The following EPM2A variants were observed in gnomAD, a reference collection of about 807,000 sequenced individuals.
EPM2A encodes EPM2A glucan phosphatase, laforin.
EPM2A carries 21 observed loss-of-function variants against 26.5 expected under a neutral mutation model. The ratio of observed to expected loss-of-function variants is 0.79; its 90% confidence interval spans 0.56 to 1.14. The LOEUF is 1.14. EPM2A is among the 50% of genes most tolerant of loss of function. The pLI, the probability that EPM2A is intolerant of heterozygous loss-of-function variation, is 0.00. For synonymous variants in EPM2A, 217 were observed against 177.6 expected (o/e 1.22, Z -1.76); for missense variants, 458 against 440.8 (o/e 1.04, Z -0.35).
At chr6:145,539,834 C>CTTTCAAAGTA (rs1420168043) in intron 2 of EPM2A, among the ~76,000 whole-genome samples, 1 of 152,098 alleles carries the variant, frequency 6.6e-6, no homozygotes, top group Non-Finnish European at 1.5e-5. Flanking sequence ...AACAATTCAC[C>CTTTCAAAGTA]CCTAAGTACA....
At chr6:145,525,869 G>C (rs416987) in intron 2 of EPM2A, among the ~76,000 whole-genome samples, 67,823 of 151,578 alleles carry the variant, frequency 0.45, 15,193 homozygotes, top group South Asian at 0.58. Flanking sequence ...TGTCTTGATC[G>C]TGTTCTCAAT....
intron 4 of EPM2A, among the ~76,000 whole-genome samples, chr6:145,394,807 C>T (rs972421983): frequency 3.3e-5 from 5 of 152,104 alleles, no homozygotes; most frequent in African/African-American, 1.2e-4. Flanking sequence ...TGTGAAAGGG[C>T]CAATCGTTCA....
chr6:145,414,338 G>A (rs1010361543), intron 4 of EPM2A, among the ~76,000 whole-genome samples: 14 of 151,824 alleles, frequency 9.2e-5, no homozygotes, highest in South Asian at 2.1e-4. Flanking sequence ...TCTTGATGCC[G>A]GTTGGTCTCT....
chr6:145,544,861 T>C (rs1191397917), intron 2 of EPM2A, among the ~76,000 whole-genome samples: 1 of 152,184 alleles, frequency 6.6e-6, no homozygotes, highest in African/African-American at 2.4e-5. Flanking sequence ...GACCCCTGAC[T>C]AACTTTTTTC....
intron 2 of EPM2A, among the ~76,000 whole-genome samples, chr6:145,562,974 A>G (rs1389097669): frequency 1.3e-5 from 2 of 151,374 alleles, no homozygotes; most frequent in Non-Finnish European, 1.5e-5. Context: ...ACTGGTTTCA[A>G]TGTGGATGAA....
intron 2 of EPM2A, among the ~76,000 whole-genome samples, chr6:145,583,541 A>C (rs749958309): frequency 1.8e-4 from 28 of 152,122 alleles, no homozygotes; most frequent in African/African-American, 3.4e-4. Flanking sequence ...GAAGGAGCTA[A>C]ATTGTTCCCA....
intron 2 of EPM2A, chr6:145,640,587 A>C (rs1274942168): frequency 1.3e-5 from 2 of 152,246 alleles, no homozygotes; most frequent in South Asian, 2.1e-4. Flanking sequence ...AAAGAAAAAA[A>C]AGCACATTTC....
At chr6:145,636,979 T>G (rs1562426824) in intron 2 of EPM2A, 1 of 151,786 alleles carries the variant, frequency 6.6e-6, no homozygotes, top group Non-Finnish European at 1.5e-5. Context: ...TAGTAACAAT[T>G]GTATGATGTT....
intron 1 of EPM2A, chr6:145,705,667 T>G: frequency 2.4e-6 from 1 of 425,204 alleles, no homozygotes; most frequent in South Asian, 1.7e-5. Context: ...ATGCTGACCA[T>G]CAAGGCAATC....
At chr6:145,501,751 G>A (rs774764162) in exon 4 of EPM2A, 42 of 470,316 alleles carry the variant, frequency 8.9e-5, no homozygotes, top group Admixed American at 7.3e-4. Context: ...TGCACCAGTC[G>A]TCACCCATCT....
chr6:145,687,499 CT>C (rs993795814), intron 1 of EPM2A, among the ~76,000 whole-genome samples: 6 of 151,956 alleles, frequency 3.9e-5, no homozygotes, highest in African/African-American at 1.5e-4. Context: ...TTTTTACTAC[CT>C]TTTTATCATC....
intron 2 of EPM2A, among the ~76,000 whole-genome samples, chr6:145,510,179 C>T (rs1780035776): frequency 6.6e-6 from 1 of 151,826 alleles, no homozygotes; most frequent in South Asian, 2.1e-4. Flanking sequence ...TTTGACAGCT[C>T]ATTGAGACAG....
chr6:145,513,316 T>A (rs1002791286), intron 2 of EPM2A, among the ~76,000 whole-genome samples: 1 of 152,278 alleles, frequency 6.6e-6, no homozygotes, highest in Non-Finnish European at 1.5e-5. Flanking sequence ...TCAACATAAC[T>A]ATTCATCAGA....
chr6:145,723,154 C>A (rs552058896), intron 1 of EPM2A, among the ~76,000 whole-genome samples: 11 of 152,048 alleles, frequency 7.2e-5, no homozygotes, highest in Admixed American at 5.2e-4. Context: ...AATGCTGTAG[C>A]ACAAAAGGTA....
chr6:145,658,260 T>C (rs573514768), intron 2 of EPM2A, among the ~76,000 whole-genome samples: 1 of 152,364 alleles, frequency 6.6e-6, no homozygotes, highest in African/African-American at 2.4e-5. Context: ...TATTTATAGA[T>C]ATTTTCCATT....
chr6:145,397,664 A>C (rs1039254105), intron 4 of EPM2A, among the ~76,000 whole-genome samples: 31 of 152,184 alleles, frequency 2.0e-4, no homozygotes, highest in African/African-American at 7.5e-4. Context: ...TGGTGGTTAC[A>C]TATACTGGAA....
intron 2 of EPM2A, among the ~76,000 whole-genome samples, chr6:145,548,956 C>A (rs1023833750): frequency 2.0e-5 from 3 of 152,108 alleles, no homozygotes; most frequent in African/African-American, 7.2e-5. Flanking sequence ...TACTTCAGAT[C>A]TCATCTGAAG....
At chr6:145,657,653 T>C (rs1385155616) in intron 2 of EPM2A, among the ~76,000 whole-genome samples, 5 of 152,188 alleles carry the variant, frequency 3.3e-5, no homozygotes, top group African/African-American at 1.2e-4. Context: ...TCAATACAAG[T>C]GGAATTTTTC....
At chr6:145,717,383 T>C (rs1775690876) in intron 1 of EPM2A, among the ~76,000 whole-genome samples, 1 of 152,266 alleles carries the variant, frequency 6.6e-6, no homozygotes, top group East Asian at 1.9e-4. Flanking sequence ...ATTATCTCAA[T>C]AGATGCAGAA....
Sources: allele counts gnomAD v4.1 joint callset (sites outside exome capture counted in the v4.1 genomes callset), GRCh38; gene constraint gnomAD v4.1.1; transcripts MANE v1.5; gene names NCBI Gene and HGNC (gene_info 2026-07-23, HGNC 2026-07-21).